The following EPHA3 variants were observed in gnomAD, a reference collection of about 807,000 sequenced individuals.
EPHA3 encodes ephrin type-A receptor 3.
In EPHA3, 42 loss-of-function variants were observed where a neutral mutation model predicts 107.1. That is an observed-to-expected ratio of 0.39 (90% CI 0.31 to 0.51). The LOEUF (loss-of-function observed/expected upper bound fraction) is 0.51, where lower values mean the gene tolerates loss of function less well. Among genes scored for constraint, EPHA3 ranks in the 20% least tolerant of loss-of-function variants. The probability of loss-of-function intolerance (pLI) is 0.78; values close to 1 mark genes in which losing one functional copy is unlikely to be tolerated. For missense variants in EPHA3, 1,183 were observed against 1,211.2 expected, an observed-to-expected ratio of 0.98 and a Z score of 0.35; for synonymous variants, 461 against 424.8, an observed-to-expected ratio of 1.09 and a Z score of -1.05.
At chr3:89,175,311 T>G (rs1705297669) in intron 2 of EPHA3, among the ~76,000 whole-genome samples, 1 of 152,046 alleles carries the variant, frequency 6.6e-6, no homozygotes, top group Non-Finnish European at 1.5e-5. Flanking sequence ...CCACTTTAAG[T>G]TGGAAAAGTG....
chr3:89,238,048 G>A (rs1704814724), intron 3 of EPHA3, among the ~76,000 whole-genome samples: 1 of 151,566 alleles, frequency 6.6e-6, no homozygotes. Context: ...AAGATCAATT[G>A]GCTCTCAGTA....
chr3:89,311,991 A>T (rs543683380), intron 3 of EPHA3, among the ~76,000 whole-genome samples: 1 of 152,170 alleles, frequency 6.6e-6, no homozygotes, highest in Admixed American at 6.6e-5. Context: ...GGGCACAGAA[A>T]ACAAAAACAA....
At chr3:89,184,305 C>A (rs1452636259) in intron 2 of EPHA3, among the ~76,000 whole-genome samples, 1 of 151,888 alleles carries the variant, frequency 6.6e-6, no homozygotes, top group Non-Finnish European at 1.5e-5. Flanking sequence ...AAAATGGAGG[C>A]CCCTGTAGAG....
chr3:89,357,115 A>G (rs1707978610), intron 5 of EPHA3, among the ~76,000 whole-genome samples: 2 of 139,888 alleles, frequency 1.4e-5, no homozygotes, highest in Admixed American at 7.2e-5. Context: ...TCAAAAAAAA[A>G]AAAAAAAAAA....
intron 5 of EPHA3, among the ~76,000 whole-genome samples, chr3:89,363,798 A>G (rs1363089508): frequency 6.6e-6 from 1 of 150,754 alleles, no homozygotes. Flanking sequence ...CTAATCTTTT[A>G]ATTTCACCCA....
chr3:89,354,466 C>G (rs1252186290), intron 5 of EPHA3, among the ~76,000 whole-genome samples: 1 of 149,430 alleles, frequency 6.7e-6, no homozygotes, highest in Non-Finnish European at 1.5e-5. Context: ...TACCAGTGTT[C>G]AAATAGAAAA....
At chr3:89,262,370 C>T (rs1465306621) in intron 3 of EPHA3, among the ~76,000 whole-genome samples, 1 of 152,122 alleles carries the variant, frequency 6.6e-6, no homozygotes, top group African/African-American at 2.4e-5. Context: ...TCTGAGGATT[C>T]TAGGGAAAAT....
rs1486190561 is a variant in EPHA3 at position 89,341,036 on chromosome 3, G to A, written c.935G>A (p.Arg312Gln). 3.7e-6 allele frequency: 6 copies of A among 1,613,982 alleles called. No individual in the cohort carries two copies. The highest frequency in any genetic ancestry group is 2.2e-5 in the South Asian group (2 of 91,070). The change falls in exon 4 of 17, where the codon CGG (arginine) becomes CAG (glutamine). Residue 312 changes from arginine (R) to glutamine (Q), a missense_variant. Transcript: ENST00000336596. ...MNCRCENNYF[R>Q]ADKDPPSMAC... is the part of the protein sequence containing the mutation. The stretch of plus-strand genomic sequence containing the variant: ...TGCAGGTGTGAGAATAATTACTTCC[G>A]GGCAGACAAAGACCCTCCATCCATG...
At chr3:89,199,214 A>G (rs1241081007) in intron 2 of EPHA3, among the ~76,000 whole-genome samples, 1 of 152,142 alleles carries the variant, frequency 6.6e-6, no homozygotes, top group Non-Finnish European at 1.5e-5. Flanking sequence ...GATTTATTAG[A>G]TTATTCTTAA....
At chr3:89,359,582 T>C (rs909170878) in intron 5 of EPHA3, among the ~76,000 whole-genome samples, 6 of 150,086 alleles carry the variant, frequency 4.0e-5, no homozygotes, top group African/African-American at 1.2e-4. Flanking sequence ...CTGTATGATG[T>C]TTTTTAAATT....
chr3:89,142,074 G>A (rs985647219), intron 2 of EPHA3, among the ~76,000 whole-genome samples: 2 of 151,174 alleles, frequency 1.3e-5, no homozygotes, highest in African/African-American at 4.8e-5. Flanking sequence ...TATATTGTAT[G>A]CTATTTGCTA....
At chr3:89,343,746 A>C (rs1707584296) in intron 5 of EPHA3, among the ~76,000 whole-genome samples, 1 of 152,176 alleles carries the variant, frequency 6.6e-6, no homozygotes, top group Non-Finnish European at 1.5e-5. Context: ...ATTTGTGGAA[A>C]ATACATGAAT....
intron 2 of EPHA3, among the ~76,000 whole-genome samples, chr3:89,137,282 T>A (rs1704334447): frequency 6.6e-6 from 1 of 151,802 alleles, no homozygotes; most frequent in Admixed American, 6.6e-5. Flanking sequence ...TGGAAAGGAG[T>A]TTCAACTGTT....
intron 3 of EPHA3, among the ~76,000 whole-genome samples, chr3:89,296,198 C>T (rs562898051): frequency 1.3e-5 from 2 of 152,156 alleles, no homozygotes; most frequent in African/African-American, 4.8e-5. Flanking sequence ...TCCTGAATCA[C>T]AAATGTTTTT....
intron 2 of EPHA3, among the ~76,000 whole-genome samples, chr3:89,173,845 G>GA (rs1705260265): frequency 1.3e-5 from 2 of 151,618 alleles, no homozygotes; most frequent in Non-Finnish European, 3.0e-5. Flanking sequence ...CAAGAAAAAA[G>GA]AAAAAAATGA....
chr3:89,133,044 T>C (rs1052995196), intron 2 of EPHA3, among the ~76,000 whole-genome samples: 1 of 152,204 alleles, frequency 6.6e-6, no homozygotes, highest in Non-Finnish European at 1.5e-5. Flanking sequence ...ATATAATACA[T>C]GTGAAAGAGC....
intron 2 of EPHA3, among the ~76,000 whole-genome samples, chr3:89,187,505 T>A (rs1218398374): frequency 6.6e-6 from 1 of 151,532 alleles, no homozygotes; most frequent in Non-Finnish European, 1.5e-5. Flanking sequence ...AATATACTTA[T>A]TGAATAAGAC....
In EPHA3 at chr3:89,431,187, G is replaced by T. The variant is rs749469241; in HGVS notation, c.2174G>T (p.Gly725Val). Reference protein sequence around the residue: ...DAQFTVIQLVGMLRGIASGMK... With the variant: ...DAQFTVIQLVVMLRGIASGMK... ...CAGTTTACTGTCATTCAGCTAGTGG[G>T]GATGCTTCGAGGGATAGCATCTGGC... is the stretch of plus-strand genomic sequence containing the variant. The change falls in exon 13 of 17, where the codon GGG becomes GTG. Residue 725 changes from glycine to valine, a missense_variant. Transcript: ENST00000336596. 6.2e-7 allele frequency: 1 copy of T among 1,613,660 alleles called. No individual in the cohort carries two copies. The highest frequency in any genetic ancestry group is 8.5e-7 in the Non-Finnish European group (1 of 1,179,862).
intron 5 of EPHA3, among the ~76,000 whole-genome samples, chr3:89,377,286 T>C (rs998337748): frequency 1.3e-5 from 2 of 152,118 alleles, no homozygotes; most frequent in African/African-American, 2.4e-5. Flanking sequence ...ATGCTTTATA[T>C]TGAACACAAA....
Sources: allele counts gnomAD v4.1 joint callset (sites outside exome capture counted in the v4.1 genomes callset), GRCh38; gene constraint gnomAD v4.1.1; transcripts MANE v1.5; gene names NCBI Gene and HGNC (gene_info 2026-07-23, HGNC 2026-07-21).